Variants in COX15 observed in about 807,000 individuals in gnomAD.
The protein encoded by COX15 is heme A synthase COX15.
COX15 carries 51 observed loss-of-function variants against 51.9 expected under a neutral mutation model. The observed-to-expected ratio is 0.98, with a 90% CI of 0.78 to 1.24. COX15 has a LOEUF of 1.24. Ranked by LOEUF, COX15 falls within the 50% of genes most tolerant of loss-of-function variation. The probability of loss-of-function intolerance (pLI) is 0.00; values close to 1 mark genes in which losing one functional copy is unlikely to be tolerated. For synonymous variants in COX15, 188 were observed against 190.5 expected (o/e 0.99, Z 0.11); for missense variants, 420 against 501.1 (o/e 0.84, Z 1.55).
chr10:99,727,235 T>C, intron 3 of COX15, 81 bp from the exon 4 acceptor site: 1 of 1,528,832 alleles, frequency 6.5e-7, no homozygotes, highest in Non-Finnish European at 9.0e-7. Flanking sequence ...GCAAAACCTT[T>C]CTTTCTCAGT....
At chr10:99,727,699 T>C in intron 2 of COX15, 136 bp from the exon 3 acceptor site, 1 of 1,118,772 alleles carries the variant, frequency 8.9e-7, no homozygotes. Context: ...TTTTGAGACA[T>C]TTCTCTGTTA....
downstream of COX15, chr10:99,710,228 G>A: frequency 1.0e-6 from 1 of 985,412 alleles, no homozygotes. Context: ...TGCTGGTGAA[G>A]ACGCCCCTTA....
the COX15 span, among the ~76,000 whole-genome samples, chr10:99,698,355 T>TG: frequency 6.6e-6 from 1 of 152,238 alleles, no homozygotes; most frequent in Non-Finnish European, 1.5e-5. Flanking sequence ...CTCTTTTTTT[T>TG]CTAAATTTAA....
chr10:99,709,632 C>G, downstream of COX15: 1 of 985,364 alleles, frequency 1.0e-6, no homozygotes, highest in South Asian at 4.7e-5. Context: ...CTCTCATAAC[C>G]TGGATCTAAG....
At position 99,713,686 on chromosome 10, in the gene COX15, C is replaced by G. The variant is rs748016439; in HGVS notation, c.*901G>C. 1.9e-5 allele frequency: 15 copies of G among 773,030 alleles called. No individual in the cohort carries two copies. Among genetic ancestry groups the G allele is most frequent in the Non-Finnish European group, 3.0e-5 (15 of 506,470 alleles). 47.9% of individuals were successfully genotyped at this position (773,030 alleles called of 1,614,324 possible). On this transcript the variant is annotated 3_prime_UTR_variant, in exon 9 of 9. Coordinates refer to ENST00000016171, the MANE Select transcript of COX15 (RefSeq NM_078470.6). ...GTTAACAGCCTTATCAAAAGAGGAA[C>G]TAGCTGGGCGTGGTGGCCCATGCCT... is the stretch of plus-strand genomic sequence containing the variant.
Position 99,719,134 on chromosome 10 carries a change from A to G in COX15, c.833-634T>C, listed in dbSNP as rs150757292. Among the ~76,000 whole-genome samples, 267 of 152,354 alleles carry G rather than the reference A, an allele frequency of 1.8e-3. No individual in the cohort carries two copies. The Middle Eastern group carries it at 0.034, about 19-fold the overall frequency. ...AAACTAAATCCTGGATAAACAAATA[A>G]AGAGGGTATTCATGAATTAATGGAT... On this transcript the variant is annotated intron_variant, in intron 6 of 8. Coordinates refer to ENST00000016171, the MANE Select transcript of COX15 (RefSeq NM_078470.6).
chr10:99,710,553 T>C (rs545738955), downstream of COX15: 6 of 985,460 alleles, frequency 6.1e-6, no homozygotes, highest in East Asian at 1.1e-4. Context: ...TTGTTGAATT[T>C]TGAATTCTTA....
chr10:99,707,027 G>C (rs771741634), downstream of COX15, among the ~76,000 whole-genome samples: 1 of 152,060 alleles, frequency 6.6e-6, no homozygotes, highest in South Asian at 2.1e-4. Flanking sequence ...TTATGCCTTT[G>C]TTATGTAGCA....
chr10:99,728,105 A>C (rs2037021968), intron 2 of COX15, among the ~76,000 whole-genome samples: 1 of 152,228 alleles, frequency 6.6e-6, no homozygotes, highest in African/African-American at 2.4e-5. Context: ...TACCAAAAGG[A>C]ATTAGGATTC....
rs117908204 is a variant in COX15, at chr10:99,729,330, C to G, written c.272+223G>C. Among the ~76,000 whole-genome samples, 310 of 152,106 alleles carry G rather than the reference C, an allele frequency of 2.0e-3. 10 individuals are homozygous for G. The East Asian group carries it at 0.05, about 25-fold the overall frequency. ...ACAAAAAATTAGCCAGATATGGTGG[C>G]ACGCGCCTAGTCCCAGCTACTTGGG... On this transcript the variant is annotated intron_variant, in intron 2 of 8. Transcript: ENST00000016171.
In COX15 at chr10:99,712,999, C is replaced by G; in HGVS notation, c.*1588G>C. On this transcript the variant is annotated 3_prime_UTR_variant, in exon 9 of 9. Transcript: ENST00000016171. ...ACCTATTCCCTGTGTGACAGGGGTT[C>G]TGGACTCATCATTCTGATCTCTTCT... 1 of 1,112,044 alleles carries G rather than the reference C, an allele frequency of 9.0e-7. No individual in the cohort carries two copies. The highest frequency in any genetic ancestry group is 1.1e-6 in the Non-Finnish European group (1 of 905,674). The allele number at this position is 1,112,044 out of a possible 1,614,324, so 68.9% of individuals were successfully genotyped here. A position where few individuals can be genotyped will look rare whatever the true frequency, so the allele number is the denominator to read the frequency against.
At chr10:99,695,976 G>A in the COX15 span, 14 of 1,613,398 alleles carry the variant, frequency 8.7e-6, no homozygotes, top group African/African-American at 1.3e-5. Context: ...CCAAGATCCT[G>A]CTGGCTGAGT....
downstream of COX15, among the ~76,000 whole-genome samples, chr10:99,706,849 G>T (rs1057490): frequency 0.43 from 65,961 of 151,942 alleles, 14,735 homozygotes; most frequent in Middle Eastern, 0.65. Flanking sequence ...ACTATTTTTG[G>T]TTTTTTGTGA....
Position 99,716,414 on chromosome 10 carries a change from C to G in COX15, c.1035G>C (p.Arg345=). 1 of 1,613,952 alleles carries G rather than the reference C, an allele frequency of 6.2e-7. No homozygotes were observed. Among genetic ancestry groups the G allele is most frequent in the Non-Finnish European group, 8.5e-7 (1 of 1,179,980 alleles). Residue 345 remains arginine, a synonymous_variant, in exon 8 of 9, where the codon CGG becomes CGC. Transcript: ENST00000016171. ...TAITVLYFLS[R]RIPLPRRTKM... ...TGGTCCTTCTAGGAAGGGGAATTCTCCGAGAGAGGAAGTAGAGCACTGTAA... is the reference window on the plus strand; with the variant it reads ...TGGTCCTTCTAGGAAGGGGAATTCTGCGAGAGAGGAAGTAGAGCACTGTAA...
chr10:99,726,466 T>C lies in COX15; in HGVS notation c.582+502A>G, dbSNP rs1294232250. Among the ~76,000 whole-genome samples the C allele has an allele frequency of 3.3e-5, 5 of 152,336 alleles. No individual in the cohort carries two copies. The East Asian group carries it at 9.6e-4, about 29-fold the overall frequency. On this transcript the variant is annotated intron_variant, in intron 4 of 8. Transcript: ENST00000016171. ...TCCCCATTTACAGGTAAAGAAATCATAGCTTTCAGAGGTTAGGTAATTTAC... is the reference window on the plus strand; with the variant it reads ...TCCCCATTTACAGGTAAAGAAATCACAGCTTTCAGAGGTTAGGTAATTTAC...
chr10:99,706,273 T>C (rs1195806191), downstream of COX15: 3 of 151,844 alleles, frequency 2.0e-5, no homozygotes, highest in East Asian at 3.8e-4. Context: ...GATAAAAAGA[T>C]GACCAGTCTT....
chr10:99,706,680 A>G (rs2036260755), downstream of COX15, among the ~76,000 whole-genome samples: 1 of 152,036 alleles, frequency 6.6e-6, no homozygotes, highest in African/African-American at 2.4e-5. Flanking sequence ...GGTTTCTTTC[A>G]TAGCAATTTC....
chr10:99,727,114 A>C lies in COX15; in HGVS notation c.436T>G (p.Trp146Gly), dbSNP rs1470811578. Residue 146 changes from tryptophan to glycine, a missense_variant, in exon 4 of 9, where the codon TGG (tryptophan) becomes GGG (glycine). Trp to Gly is a radical substitution (Grantham distance 184). Coordinates refer to ENST00000016171, the MANE Select transcript of COX15 (RefSeq NM_078470.6). ...ATTCGGTGTGAGTACTCCATGTACC[A>C]GATGAACTTGAATTCTGTCAGTGTC... ...DMTLTEFKFI[W>G]YMEYSHRMWG... 6.2e-7 allele frequency: 1 copy of C among 1,614,252 alleles called. No individual in the cohort carries two copies. Among genetic ancestry groups the C allele is most frequent in the Admixed American group, 1.7e-5 (1 of 60,030 alleles).
At chr10:99,696,849 GTGAT>G in the COX15 span, among the ~76,000 whole-genome samples, 1 of 152,172 alleles carries the variant, frequency 6.6e-6, no homozygotes, top group Admixed American at 6.5e-5. Flanking sequence ...AAGTAATTGG[GTGAT>G]TGATTGTGGT....
Sources: gnomAD v4.1 joint callset for allele counts (sites outside exome capture counted in the v4.1 genomes callset) on GRCh38, gnomAD v4.1.1 for gene constraint, MANE v1.5 for transcripts, NCBI Gene and HGNC (gene_info 2026-07-23, HGNC 2026-07-21) for gene names.